AGBL1: variants seen among roughly 807,000 people sequenced by gnomAD.
The protein encoded by AGBL1 is AGBL carboxypeptidase 1, also known as cytosolic carboxypeptidase 4.
A neutral mutation model predicts 118.9 loss-of-function variants in AGBL1; 130 were observed. The observed-to-expected ratio is 1.09, with a 90% confidence interval of 0.95 to 1.26. The LOEUF (loss-of-function observed/expected upper bound fraction) is 1.26, where lower values mean the gene tolerates loss of function less well. Ranked by LOEUF, AGBL1 falls within the 50% of genes most tolerant of loss-of-function variation. AGBL1 has a pLI of 0.00. For synonymous variants in AGBL1, 555 were observed against 478.9 expected (o/e 1.16, Z -2.08); for missense variants, 1,584 against 1,298.1 (o/e 1.22, Z -3.38).
intron 22 of AGBL1, among the ~76,000 whole-genome samples, chr15:86,674,867 T>C (rs2085810051): frequency 6.6e-6 from 1 of 152,128 alleles, no homozygotes; most frequent in African/African-American, 2.4e-5. Flanking sequence ...TTCTCAAACA[T>C]CATTGTTCCT....
chr15:86,833,106 C>G (rs976108644), intron 22 of AGBL1, among the ~76,000 whole-genome samples: 13 of 152,080 alleles, frequency 8.5e-5, no homozygotes, highest in Non-Finnish European at 1.5e-4. Flanking sequence ...AAGACCCGCC[C>G]CCATGATTCA....
intron 23 of AGBL1, among the ~76,000 whole-genome samples, chr15:86,960,778 T>A (rs8028335): frequency 6.6e-6 from 1 of 152,064 alleles, no homozygotes; most frequent in East Asian, 1.9e-4. Context: ...GAATCTACCA[T>A]GTCTGAAAAC....
chr15:86,787,097 G>A (rs577046291), intron 22 of AGBL1, among the ~76,000 whole-genome samples: 10 of 151,624 alleles, frequency 6.6e-5, no homozygotes, highest in Admixed American at 2.6e-4. Context: ...ATATTTAATG[G>A]GTATTCTTTG....
chr15:86,575,514 A>G (rs887924367), intron 21 of AGBL1, among the ~76,000 whole-genome samples: 12 of 152,128 alleles, frequency 7.9e-5, no homozygotes, highest in Admixed American at 1.3e-4. Context: ...AAATAAGTAA[A>G]TAAATAAATA....
chr15:86,979,360 A>G (rs968995952), intron 23 of AGBL1, among the ~76,000 whole-genome samples: 3 of 152,230 alleles, frequency 2.0e-5, no homozygotes, highest in South Asian at 2.1e-4. Flanking sequence ...GTTTCCCCCA[A>G]TGTCCTAAAA....
At chr15:86,501,468 A>T (rs1187547100) in intron 18 of AGBL1, among the ~76,000 whole-genome samples, 1 of 151,516 alleles carries the variant, frequency 6.6e-6, no homozygotes, top group African/African-American at 2.4e-5. Context: ...AATTCAGTTT[A>T]TCTGTGTTTT....
intron 1 of AGBL1, among the ~76,000 whole-genome samples, chr15:86,106,099 G>T (rs964094884): frequency 6.6e-6 from 1 of 152,220 alleles, no homozygotes; most frequent in Non-Finnish European, 1.5e-5. Flanking sequence ...GTAAATGTGT[G>T]TTCCATCTGA....
At chr15:86,093,232 C>G (rs985981759) in intron 1 of AGBL1, among the ~76,000 whole-genome samples, 7 of 152,100 alleles carry the variant, frequency 4.6e-5, no homozygotes, top group African/African-American at 2.4e-5. Context: ...TTCTGGGTGA[C>G]CCAGAAAATT....
intron 5 of AGBL1, among the ~76,000 whole-genome samples, chr15:86,206,853 G>A (rs1219542373): frequency 6.6e-6 from 1 of 152,142 alleles, no homozygotes; most frequent in Non-Finnish European, 1.5e-5. Flanking sequence ...TGTTGCCATT[G>A]CTTTTGGTGT....
In AGBL1 at chr15:86,529,414, A is replaced by G. The variant is rs1184798965; in HGVS notation, c.2685+6475A>G. On this transcript the variant is annotated intron_variant, in intron 19 of 22. Transcript: ENST00000614907. ...GAGAAGGGAAGTTTAGAGAAAAAAG[A>G]ATAAAAAGAAATGAGCAAAGCCTCC... 3.8e-5 allele frequency among the ~76,000 whole-genome samples: 5 copies of G among 132,486 alleles called. No individual in the cohort carries two copies. The East Asian group carries it at 1.0e-3, about 27-fold the overall frequency. 86.9% of individuals were successfully genotyped at this position (132,486 alleles called of 152,430 possible).
At chr15:86,716,927 G>T (rs1056351947) in intron 22 of AGBL1, among the ~76,000 whole-genome samples, 1 of 152,178 alleles carries the variant, frequency 6.6e-6, no homozygotes, top group Non-Finnish European at 1.5e-5. Flanking sequence ...GGGAGAAGTT[G>T]TTTTATCATT....
At chr15:86,154,408 A>G (rs758468484) in intron 3 of AGBL1, 22 bp from the exon 4 acceptor site, 2 of 1,608,076 alleles carry the variant, frequency 1.2e-6, no homozygotes, top group Admixed American at 3.4e-5. Context: ...TGCAACTAAG[A>G]TAGATTGATT....
At chr15:86,325,986 C>T (rs910677205) in intron 17 of AGBL1, among the ~76,000 whole-genome samples, 1 of 152,134 alleles carries the variant, frequency 6.6e-6, no homozygotes, top group African/African-American at 2.4e-5. Flanking sequence ...TTATCCCCTC[C>T]TGTATCTTCC....
At chr15:87,010,676 AC>A (rs2081550155) in intron 24 of AGBL1, among the ~76,000 whole-genome samples, 1 of 152,062 alleles carries the variant, frequency 6.6e-6, no homozygotes, top group Admixed American at 6.5e-5. Flanking sequence ...TTACACCATT[AC>A]CTTCTCTGGT....
intron 15 of AGBL1, among the ~76,000 whole-genome samples, chr15:86,278,739 A>G (rs988206837): frequency 3.9e-5 from 6 of 152,208 alleles, no homozygotes; most frequent in Non-Finnish European, 5.9e-5. Context: ...TTGCATTATA[A>G]TGCAGCCTTG....
chr15:86,900,910 A>G (rs777563392), intron 22 of AGBL1, among the ~76,000 whole-genome samples: 1 of 152,206 alleles, frequency 6.6e-6, no homozygotes, highest in Non-Finnish European at 1.5e-5. Flanking sequence ...ATCTTCTCAC[A>G]TATTTAGTGT....
chr15:86,854,558 C>T (rs534009315), intron 22 of AGBL1, among the ~76,000 whole-genome samples: 2 of 152,200 alleles, frequency 1.3e-5, no homozygotes, highest in Non-Finnish European at 2.9e-5. Context: ...GCCAGTGTTA[C>T]ATGCACACAA....
At position 86,704,183 on chromosome 15, in the gene AGBL1, A is replaced by T. The variant is rs574998375; in HGVS notation, c.3158+29747A>T. ...AAATGTAAAATCCCAAACCATAAAA[A>T]CCCTAGAAGAAAACCTAGGCAATAC... is the stretch of plus-strand genomic sequence containing the variant. On this transcript the variant is annotated intron_variant, in intron 22 of 22. Coordinates refer to ENST00000614907, the MANE Select transcript of AGBL1 (RefSeq NM_001386094.1). Among the ~76,000 whole-genome samples the T allele has an allele frequency of 3.9e-4, 60 of 152,266 alleles. No homozygotes were observed. The Middle Eastern group carries it at 0.014, about 35-fold the overall frequency.
chr15:86,106,895 T>A (rs1897084852), intron 1 of AGBL1, among the ~76,000 whole-genome samples: 1 of 152,204 alleles, frequency 6.6e-6, no homozygotes, highest in Non-Finnish European at 1.5e-5. Context: ...CCTAACTCCC[T>A]GCTGGCAGTG....
Sources: allele counts gnomAD v4.1 joint callset (sites outside exome capture counted in the v4.1 genomes callset), GRCh38; gene constraint gnomAD v4.1.1; transcripts MANE v1.5; gene names NCBI Gene and HGNC (gene_info 2026-07-23, HGNC 2026-07-21).